WDR82: variants seen among roughly 807,000 people sequenced by gnomAD.
WDR82 encodes the protein WD repeat domain 82.
WDR82 carries 8 observed loss-of-function variants against 36.1 expected under a neutral mutation model. The ratio of observed to expected loss-of-function variants is 0.22; its 90% CI spans 0.13 to 0.40. The LOEUF (loss-of-function observed/expected upper bound fraction) is 0.40. Among genes scored for constraint, WDR82 ranks in the 10% least tolerant of loss-of-function variants. The pLI, the probability that WDR82 is intolerant of heterozygous loss-of-function variation, is 1.00. For synonymous variants in WDR82, 129 were observed against 137.8 expected, an observed-to-expected ratio of 0.94 and a Z score of 0.45; for missense variants, 185 against 400.5, an observed-to-expected ratio of 0.46 and a Z score of 4.59.
chr3:52,269,712 AGAGT>A (rs1700137001), intron 2 of WDR82, among the ~76,000 whole-genome samples: 1 of 152,240 alleles, frequency 6.6e-6, no homozygotes, highest in Non-Finnish European at 1.5e-5. Context: ...CCTAGGCAAC[AGAGT>A]GAGACTCTGT....
In WDR82 at chr3:52,278,483, C is replaced by A; in HGVS notation, c.-122G>T. 2.2e-6 allele frequency: 2 copies of A among 914,730 alleles called. No homozygotes were observed. Among genetic ancestry groups the A allele is most frequent in the South Asian group, 5.4e-5 (1 of 18,370 alleles). 56.7% of individuals were successfully genotyped at this position (914,730 alleles called of 1,614,324 possible). ...GCCGCGCCGGCGGCTAGCGGGAAGT[C>A]GGCCAACAGTTGGGCCGCCTCCTCC... On this transcript the variant is annotated 5_prime_UTR_variant, in exon 1 of 9. Coordinates refer to ENST00000296490, the MANE Select transcript of WDR82 (RefSeq NM_025222.4).
At chr3:52,271,346 T>C (rs1700151728) in intron 1 of WDR82, among the ~76,000 whole-genome samples, 1 of 152,200 alleles carries the variant, frequency 6.6e-6, no homozygotes, top group Admixed American at 6.5e-5. Flanking sequence ...CAATGGGCCA[T>C]ACCAAACAGC....
chr3:52,266,739 AG>A (rs960676749), intron 3 of WDR82, among the ~76,000 whole-genome samples: 9 of 152,108 alleles, frequency 5.9e-5, no homozygotes, highest in Admixed American at 5.2e-4. Flanking sequence ...CACTGGGCCT[AG>A]TTATATTTTA....
chr3:52,268,674 T>C (rs551597569), intron 2 of WDR82, among the ~76,000 whole-genome samples: 2 of 149,274 alleles, frequency 1.3e-5, no homozygotes, highest in Non-Finnish European at 3.0e-5. Flanking sequence ...GCATGAAAAG[T>C]AGAAATGACA....
intron 3 of WDR82, 34 bp from the exon 4 acceptor site, chr3:52,261,513 G>T: frequency 4.4e-6 from 7 of 1,575,572 alleles, no homozygotes; most frequent in South Asian, 1.1e-5. Context: ...GAGTTGATGC[G>T]AAATATTAGC....
intron 2 of WDR82, chr3:52,267,811 A>C (rs1700119186): frequency 6.5e-6 from 1 of 152,964 alleles, no homozygotes; most frequent in Non-Finnish European, 1.5e-5. Context: ...AAGTGCCATA[A>C]AGAATAAAAC....
Position 52,278,372 on chromosome 3 carries a change from G to GGGGAAGGCAGCGGCGGCGC in WDR82, c.-30_-12dup. 6.5e-7 allele frequency: 1 copy of GGGGAAGGCAGCGGCGGCGC among 1,529,860 alleles called. No individual in the cohort carries two copies. The highest frequency in any genetic ancestry group is 8.8e-7 in the Non-Finnish European group (1 of 1,139,380). The allele number at this position is 1,529,860 out of a possible 1,614,324, so 94.8% of individuals were successfully genotyped here. A position where few individuals can be genotyped will look rare whatever the true frequency, so the allele number is the denominator to read the frequency against. On this transcript the variant is annotated 5_prime_UTR_variant, in exon 1 of 9. Coordinates refer to ENST00000296490, the MANE Select transcript of WDR82 (RefSeq NM_025222.4). ...GTCGGTCAGCTTCATGGCGGCGGCT[G>GGGGAAGGCAGCGGCGGCGC]GGGAAGGCAGCGGCGGCGCAGGGCC...
chr3:52,274,288 C>T (rs1700180780), intron 1 of WDR82, among the ~76,000 whole-genome samples: 1 of 152,218 alleles, frequency 6.6e-6, no homozygotes, highest in Non-Finnish European at 1.5e-5. Context: ...ATGCCTTCGG[C>T]CGGTCACAGT....
chr3:52,259,126 G>T, intron 7 of WDR82, 71 bp downstream of exon 7: 1 of 1,368,034 alleles, frequency 7.3e-7, no homozygotes, highest in Non-Finnish European at 1.0e-6. Context: ...TAATGTCTCA[G>T]TTAATAATTT....
rs1026275000 is a variant in WDR82 at position 52,256,742 on chromosome 3, A to G, written c.*748T>C. The G allele has an allele frequency of 6.5e-6, 1 of 153,646 alleles. No individual in the cohort carries two copies. The highest frequency in any genetic ancestry group is 2.4e-5 in the African/African-American group (1 of 41,440). 9.5% of individuals were successfully genotyped at this position (153,646 alleles called of 1,614,324 possible). A position where few individuals can be genotyped will look rare whatever the true frequency, so the allele number is the denominator to read the frequency against. On this transcript the variant is annotated 3_prime_UTR_variant, in exon 9 of 9. Transcript: ENST00000296490. The stretch of plus-strand genomic sequence containing the variant: ...CAGGGCACTGCACCAGGCTGCTGCT[A>G]AACCTTCCAGCCCTAGGAACTCACC...
intron 3 of WDR82, among the ~76,000 whole-genome samples, chr3:52,264,007 A>G (rs1700084952): frequency 6.6e-6 from 1 of 152,034 alleles, no homozygotes. Flanking sequence ...CTATAAAAAC[A>G]CAAAAATTAG....
intron 3 of WDR82, among the ~76,000 whole-genome samples, chr3:52,263,443 C>T (rs1203017971): frequency 6.6e-6 from 1 of 152,138 alleles, no homozygotes; most frequent in Non-Finnish European, 1.5e-5. Context: ...AACCTGACTA[C>T]AAGGGGAAGG....
Position 52,257,496 on chromosome 3 carries a change from A to G in WDR82, c.936T>C (p.Asp312=). ...SNMAFWLPTI[D]D ...TAGCCAAGCAGCAACAGGGTCAGTC[A>G]TCAATGGTGGGCAACCAAAAGGCCT... is the stretch of plus-strand genomic sequence containing the variant. Residue 312 remains aspartate (D), a synonymous_variant, in exon 9 of 9, where the codon GAT becomes GAC. Transcript: ENST00000296490. 6.2e-7 allele frequency: 1 copy of G among 1,614,172 alleles called. No individual in the cohort carries two copies. The highest frequency in any genetic ancestry group is 8.5e-7 in the Non-Finnish European group (1 of 1,180,028).
chr3:52,264,808 G>A (rs1339222941), intron 3 of WDR82, among the ~76,000 whole-genome samples: 1 of 151,394 alleles, frequency 6.6e-6, no homozygotes, highest in African/African-American at 2.4e-5. Context: ...TCTTTTTTTT[G>A]GAGACACGGT....
chr3:52,260,822 C>T (rs1378468018), intron 4 of WDR82, among the ~76,000 whole-genome samples: 1 of 152,222 alleles, frequency 6.6e-6, no homozygotes, highest in Non-Finnish European at 1.5e-5. Context: ...GCTAAAAGCT[C>T]TAGGAACACT....
chr3:52,272,543 C>CAAAAAAAAAA lies in WDR82; in HGVS notation c.162-1744_162-1735dup, dbSNP rs538212712. Among the ~76,000 whole-genome samples the CAAAAAAAAAA allele has an allele frequency of 4.6e-3, 462 of 100,128 alleles. 12 individuals are homozygous for CAAAAAAAAAA. Among genetic ancestry groups the CAAAAAAAAAA allele is most frequent in the South Asian group, 0.016 (50 of 3,144 alleles). The allele number at this position is 100,128 out of a possible 152,430, so 65.7% of individuals were successfully genotyped here. Reference sequence around the variant, plus strand: ...TGGGCAACAGAGCAAGACTCCATCTCAAAAAAAAAAAAAAGAAAAATAAAA... The same window carrying CAAAAAAAAAA: ...TGGGCAACAGAGCAAGACTCCATCTCAAAAAAAAAAAAAAAAAAAAAAAAGAAAAATAAAA... On this transcript the variant is annotated intron_variant, in intron 1 of 8. Transcript: ENST00000296490.
chr3:52,256,369 G>T lies in WDR82; in HGVS notation c.*1121C>A, dbSNP rs376648176. On this transcript the variant is annotated 3_prime_UTR_variant, in exon 9 of 9. Coordinates refer to ENST00000296490, the MANE Select transcript of WDR82 (RefSeq NM_025222.4). The stretch of plus-strand genomic sequence containing the variant: ...TATGCATACGCACACACATATATGC[G>T]TATCTGTATGCACACAGATGTATTT... The T allele has an allele frequency of 1.3e-5, 2 of 153,724 alleles. No individual in the cohort carries two copies. The highest frequency in any genetic ancestry group is 2.9e-5 in the Non-Finnish European group (2 of 68,054). 9.5% of individuals were successfully genotyped at this position (153,724 alleles called of 1,614,324 possible). A position where few individuals can be genotyped will look rare whatever the true frequency, so the allele number is the denominator to read the frequency against.
chr3:52,276,043 C>A (rs1171827279), intron 1 of WDR82, among the ~76,000 whole-genome samples: 7 of 152,162 alleles, frequency 4.6e-5, no homozygotes, highest in African/African-American at 1.7e-4. Context: ...TATGGGAGTT[C>A]TTTGAAACAC....
chr3:52,270,582 A>G, intron 2 of WDR82, 130 bp downstream of exon 2: 1 of 719,394 alleles, frequency 1.4e-6, no homozygotes, highest in Non-Finnish European at 2.2e-6. Flanking sequence ...AAACAATGCA[A>G]TTAACATTAC....
Sources: gnomAD v4.1 joint callset for allele counts (sites outside exome capture counted in the v4.1 genomes callset) on GRCh38, gnomAD v4.1.1 for gene constraint, MANE v1.5 for transcripts, NCBI Gene and HGNC (gene_info 2026-07-23, HGNC 2026-07-21) for gene names.